Variants in TSC22D3 observed in about 807,000 individuals in gnomAD.
TSC22D3 encodes the protein TSC22 domain family protein 3.
TSC22D3 carries 4 observed loss-of-function variants against 11.1 expected under a neutral mutation model. The observed-to-expected ratio is 0.36, with a 90% CI of 0.18 to 0.83. TSC22D3 has a LOEUF of 0.83. TSC22D3 is among the 40% of genes least tolerant of loss of function. TSC22D3 has a pLI of 0.48. For missense variants in TSC22D3, 118 were observed against 159.4 expected (o/e 0.74, Z 1.40); for synonymous variants, 77 against 70.3 (o/e 1.10, Z -0.48).
At chrX:107,765,436 G>C (rs925443575) in intron 1 of TSC22D3, among the ~76,000 whole-genome samples, 4 of 112,145 alleles carry the variant, frequency 3.6e-5, no homozygotes, top group Admixed American at 2.8e-4. Flanking sequence ...CAGAGCCCTG[G>C]TCCTAGACTC....
In TSC22D3 at chrX:107,715,920, G is replaced by T; in HGVS notation, c.351C>A (p.Asp117Glu). The change falls in exon 2 of 3, where the codon GAC becomes GAA. Residue 117 changes from aspartate (D) to glutamate (E), a missense_variant. By Grantham distance (45) the Asp-to-Glu change is conservative (BLOSUM62 2). Coordinates refer to ENST00000372383, the MANE Select transcript of TSC22D3 (RefSeq NM_198057.3). Reference sequence around the variant, plus strand: ...TCACCATGGCCTGTTCGATCTTGTTGTCTATGGCCACCACGCTGGCTCCGG... The same window carrying T: ...TCACCATGGCCTGTTCGATCTTGTTTTCTATGGCCACCACGCTGGCTCCGG... Reference protein sequence around the residue: ...SASGASVVAIDNKIEQAMDLV... With the variant: ...SASGASVVAIENKIEQAMDLV... 1 of 1,211,431 alleles carries T rather than the reference G, an allele frequency of 8.3e-7. No individual in the cohort carries two copies. The highest frequency in any genetic ancestry group is 1.8e-5 in the South Asian group (1 of 56,987).
chrX:107,741,077 G>A (rs1164859416), intron 1 of TSC22D3, among the ~76,000 whole-genome samples: 1 of 111,142 alleles, frequency 9.0e-6, no homozygotes, highest in East Asian at 2.8e-4. Flanking sequence ...GCTATGGTTA[G>A]GGAAGAGAAT....
At chrX:107,714,804 C>A (rs1180491799) in intron 2 of TSC22D3, 55 bp from the exon 3 acceptor site, 1 of 1,112,971 alleles carries the variant, frequency 9.0e-7, no homozygotes, top group Non-Finnish European at 1.2e-6. Flanking sequence ...GGCCCCTCTG[C>A]AGCACCTTTG....
intron 1 of TSC22D3, among the ~76,000 whole-genome samples, chrX:107,774,416 G>T (rs1486950771): frequency 1.8e-5 from 2 of 110,773 alleles, no homozygotes; most frequent in African/African-American, 6.6e-5. Flanking sequence ...GGATTCATCC[G>T]CCCTCCTGCC....
At chrX:107,770,382 C>G (rs1485640932) in intron 1 of TSC22D3, among the ~76,000 whole-genome samples, 1 of 97,018 alleles carries the variant, frequency 1.0e-5, no homozygotes, top group African/African-American at 4.3e-5. Flanking sequence ...CTGAGACTCA[C>G]TTAGAGAAGC....
chrX:107,727,034 G>A (rs1927666311), intron 1 of TSC22D3, among the ~76,000 whole-genome samples: 1 of 111,640 alleles, frequency 9.0e-6, no homozygotes, highest in Non-Finnish European at 1.9e-5. Flanking sequence ...TTGAGGGGAC[G>A]AGAGTTTCAC....
intron 1 of TSC22D3, among the ~76,000 whole-genome samples, chrX:107,752,509 G>T (rs745987106): frequency 8.9e-6 from 1 of 111,851 alleles, no homozygotes; most frequent in East Asian, 2.8e-4. Context: ...TGGTGAGTTG[G>T]GGGGTGATCT....
intron 1 of TSC22D3, among the ~76,000 whole-genome samples, chrX:107,722,452 G>A (rs1927384879): frequency 1.8e-5 from 2 of 112,278 alleles, no homozygotes; most frequent in South Asian, 3.7e-4. Context: ...CTCACTCAGA[G>A]AAGTAAAAAA....
chrX:107,721,120 G>C (rs764859995), intron 1 of TSC22D3, among the ~76,000 whole-genome samples: 1 of 112,050 alleles, frequency 8.9e-6, no homozygotes, highest in South Asian at 3.8e-4. Context: ...CTGGCTCTCA[G>C]CTGTAGTCTT....
intron 1 of TSC22D3, among the ~76,000 whole-genome samples, chrX:107,756,705 C>G (rs1373453086): frequency 1.8e-5 from 2 of 112,615 alleles, no homozygotes; most frequent in African/African-American, 6.4e-5. Context: ...GGGTTTGCAA[C>G]AGAACACAAG....
At chrX:107,771,141 C>A (rs1158003607) in intron 1 of TSC22D3, among the ~76,000 whole-genome samples, 4 of 112,633 alleles carry the variant, frequency 3.6e-5, no homozygotes, top group Non-Finnish European at 7.5e-5. Flanking sequence ...ACAAGAATTT[C>A]TTTAGCATTA....
intron 1 of TSC22D3, among the ~76,000 whole-genome samples, chrX:107,756,921 C>G (rs1188121501): frequency 8.9e-6 from 1 of 112,348 alleles, no homozygotes; most frequent in Non-Finnish European, 1.9e-5. Context: ...CCTTGGAGCA[C>G]GTGGTGCCCC....
rs374184409 is a variant in TSC22D3, at chrX:107,715,882, G to A, written c.372+17C>T. On this transcript the variant is annotated intron_variant, in intron 2 of 2. Transcript: ENST00000372383. Reference sequence around the variant, plus strand: ...AGCTAAGTCAGGGGATGAGAATGACGCAGTGATGCCACTCACCATGGCCTG... The same window carrying A: ...AGCTAAGTCAGGGGATGAGAATGACACAGTGATGCCACTCACCATGGCCTG... 1.4e-4 allele frequency: 166 copies of A among 1,207,760 alleles called. No individual in the cohort carries two copies. Among genetic ancestry groups the A allele is most frequent in the Non-Finnish European group, 1.8e-4 (162 of 893,226 alleles).
At chrX:107,743,786 G>A (rs1413304997) in intron 1 of TSC22D3, among the ~76,000 whole-genome samples, 1 of 112,199 alleles carries the variant, frequency 8.9e-6, no homozygotes, top group Admixed American at 9.4e-5. Flanking sequence ...CTGGAAGGGA[G>A]GGGAAGCATG....
At chrX:107,732,627 T>C (rs775245083) in intron 1 of TSC22D3, among the ~76,000 whole-genome samples, 14 of 111,524 alleles carry the variant, frequency 1.3e-4, no homozygotes, top group African/African-American at 4.6e-4. Context: ...GGTGAAACTT[T>C]AAGTATTAGT....
At chrX:107,749,178 T>TAC (rs61681572) in intron 1 of TSC22D3, among the ~76,000 whole-genome samples, 1,307 of 87,331 alleles carry the variant, frequency 0.015, 17 homozygotes, top group East Asian at 0.045. Context: ...CTACTAAAAA[T>TAC]ACACACACAC....
chrX:107,745,990 A>C (rs765007113), intron 1 of TSC22D3, among the ~76,000 whole-genome samples: 5 of 112,493 alleles, frequency 4.4e-5, no homozygotes, highest in African/African-American at 1.6e-4. Context: ...TAATTCACCA[A>C]AATTCTAGGA....
intron 1 of TSC22D3, among the ~76,000 whole-genome samples, chrX:107,765,726 T>A (rs986643786): frequency 1.8e-5 from 2 of 112,190 alleles, no homozygotes; most frequent in African/African-American, 6.5e-5. Context: ...TTTTTACTGC[T>A]ACAGCCTATG....
At chrX:107,763,113 C>T (rs1929514968) in intron 1 of TSC22D3, among the ~76,000 whole-genome samples, 1 of 111,029 alleles carries the variant, frequency 9.0e-6, no homozygotes. Context: ...CCTTGGCCTC[C>T]CGAAGTGCTG....
Sources: allele counts gnomAD v4.1 joint callset (sites outside exome capture counted in the v4.1 genomes callset), GRCh38; gene constraint gnomAD v4.1.1; transcripts MANE v1.5; gene names NCBI Gene and HGNC (gene_info 2026-07-23, HGNC 2026-07-21).